Variants in NUMB observed in about 807,000 individuals in gnomAD.
NUMB encodes the protein NUMB endocytic adaptor protein.
A neutral mutation model predicts 59.7 loss-of-function variants in NUMB; 29 were observed. The observed-to-expected ratio is 0.49, with a 90% CI of 0.36 to 0.66. The LOEUF (loss-of-function observed/expected upper bound fraction) is 0.66, where lower values mean the gene tolerates loss of function less well. NUMB is among the 30% of genes least tolerant of loss of function. The probability of loss-of-function intolerance (pLI) is 0.00; values close to 1 mark genes in which losing one functional copy is unlikely to be tolerated. For synonymous variants in NUMB, 288 were observed against 288.2 expected, an observed-to-expected ratio of 1.00 and a Z score of 0.01; for missense variants, 723 against 822.0, an observed-to-expected ratio of 0.88 and a Z score of 1.47.
chr14:73,311,210 C>G (rs1468454182), intron 6 of NUMB, among the ~76,000 whole-genome samples: 1 of 152,066 alleles, frequency 6.6e-6, no homozygotes, highest in African/African-American at 2.4e-5. Context: ...CGCCTGCCAT[C>G]ACGCCTGGCT....
At chr14:73,358,218 A>G (rs1893912853) in intron 3 of NUMB, among the ~76,000 whole-genome samples, 1 of 152,234 alleles carries the variant, frequency 6.6e-6, no homozygotes, top group South Asian at 2.1e-4. Context: ...AAAATACTCA[A>G]GTATAAGTGA....
chr14:73,351,569 T>TA (rs898935186), intron 4 of NUMB, among the ~76,000 whole-genome samples: 8 of 151,916 alleles, frequency 5.3e-5, no homozygotes, highest in Non-Finnish European at 7.4e-5. Context: ...CATTCTTGCT[T>TA]AAAAAAAACT....
intron 4 of NUMB, among the ~76,000 whole-genome samples, chr14:73,341,007 G>A (rs1363331842): frequency 6.6e-6 from 1 of 152,226 alleles, no homozygotes; most frequent in Non-Finnish European, 1.5e-5. Flanking sequence ...CTGATGCCAT[G>A]TGAAGATGGT....
At chr14:73,372,305 TTATATATA>T (rs3028704) in intron 2 of NUMB, among the ~76,000 whole-genome samples, 2,344 of 85,974 alleles carry the variant, frequency 0.027, 107 homozygotes, top group African/African-American at 0.082. Flanking sequence ...TATATTTCTT[TTATATATA>T]TATATATATA....
chr14:73,327,979 A>G (rs1163904293), intron 4 of NUMB, among the ~76,000 whole-genome samples: 1 of 152,146 alleles, frequency 6.6e-6, no homozygotes, highest in Non-Finnish European at 1.5e-5. Flanking sequence ...TGCCTTTTAA[A>G]GAATTATCAT....
At chr14:73,286,231 A>G (rs939788950) in intron 9 of NUMB, 3 of 108,664 alleles carry the variant, frequency 2.8e-5, no homozygotes, top group African/African-American at 1.1e-4. Context: ...TTTAAGGGAT[A>G]GAGTCTATGT....
At chr14:73,281,169 G>A (rs771159698) in intron 11 of NUMB, among the ~76,000 whole-genome samples, 2 of 151,986 alleles carry the variant, frequency 1.3e-5, no homozygotes, top group Non-Finnish European at 2.9e-5. Context: ...AGAATGTAAC[G>A]GGTACTATAT....
intron 3 of NUMB, among the ~76,000 whole-genome samples, chr14:73,366,444 A>C (rs1308791410): frequency 2.0e-5 from 3 of 152,238 alleles, no homozygotes; most frequent in Non-Finnish European, 4.4e-5. Context: ...GGAGATGATA[A>C]TACTAATCAC....
At chr14:73,389,298 A>C (rs1175145584) in intron 2 of NUMB, among the ~76,000 whole-genome samples, 1 of 138,292 alleles carries the variant, frequency 7.2e-6, no homozygotes, top group Non-Finnish European at 1.6e-5. Flanking sequence ...AAAAAACAAA[A>C]ACAAAAACAC....
chr14:73,308,750 G>A (rs1890602880), intron 6 of NUMB, among the ~76,000 whole-genome samples: 1 of 152,208 alleles, frequency 6.6e-6, no homozygotes, highest in African/African-American at 2.4e-5. Context: ...AGGCTGAGAA[G>A]AGTCCACAGA....
intron 2 of NUMB, among the ~76,000 whole-genome samples, chr14:73,385,308 C>CTTTTTTTTTTTTTTT: frequency 8.9e-6 from 1 of 112,296 alleles, no homozygotes; most frequent in Non-Finnish European, 1.8e-5. Context: ...CCAGTTAATT[C>CTTTTTTTTTTTTTTT]TTTTTTTTTT....
Position 73,276,491 on chromosome 14 carries a change from T to C in NUMB, c.*87A>G, listed in dbSNP as rs959516024. The stretch of plus-strand genomic sequence containing the variant: ...TTGGGATTAGTGAAAAGAGTACTAA[T>C]CAGGAGACAAAGTCTGTTTTGCTCC... On this transcript the variant is annotated 3_prime_UTR_variant, in exon 13 of 13. Transcript: ENST00000555238. 2.9e-5 allele frequency: 29 copies of C among 1,003,174 alleles called. 1 individual carries two copies. The highest frequency in any genetic ancestry group is 3.9e-5 in the Non-Finnish European group (26 of 672,502). The allele number at this position is 1,003,174 out of a possible 1,614,324, so 62.1% of individuals were successfully genotyped here.
chr14:73,312,340 C>T (rs959186705), intron 6 of NUMB, among the ~76,000 whole-genome samples: 7 of 152,152 alleles, frequency 4.6e-5, no homozygotes, highest in African/African-American at 1.7e-4. Context: ...TTGCAGTGAC[C>T]GAGACTGCAC....
In NUMB at chr14:73,402,635, T is replaced by C. The variant is rs116526268; in HGVS notation, c.-101+7302A>G. ...AGCACCTCCAATGTATTAGGCACTGTATTAGGTACTTTACATAAATTATCT... is the reference window on the plus strand; with the variant it reads ...AGCACCTCCAATGTATTAGGCACTGCATTAGGTACTTTACATAAATTATCT... On this transcript the variant is annotated intron_variant, in intron 2 of 12. Coordinates refer to ENST00000555238, the MANE Select transcript of NUMB (RefSeq NM_001005743.2). 2.4e-3 allele frequency among the ~76,000 whole-genome samples: 368 copies of C among 152,328 alleles called. 1 individual carries two copies. Among genetic ancestry groups the C allele is most frequent in the African/African-American group, 8.7e-3 (362 of 41,576 alleles).
chr14:73,452,989 C>G (rs764507600), intron 1 of NUMB, among the ~76,000 whole-genome samples: 15 of 152,304 alleles, frequency 9.8e-5, no homozygotes, highest in Admixed American at 3.3e-4. Context: ...TGCCAAGAAC[C>G]ACTCATTCCT....
chr14:73,396,541 T>TTG (rs1566778733), intron 2 of NUMB, among the ~76,000 whole-genome samples: 149 of 99,226 alleles, frequency 1.5e-3, no homozygotes, highest in Admixed American at 6.2e-3. Context: ...TTTTGTTGTT[T>TTG]TTTTGTTTTG....
chr14:73,410,991 T>A (rs1489687779), intron 1 of NUMB, among the ~76,000 whole-genome samples: 1 of 152,196 alleles, frequency 6.6e-6, no homozygotes, highest in African/African-American at 2.4e-5. Flanking sequence ...TAATACAGGT[T>A]ATGAATCTTA....
intron 2 of NUMB, chr14:73,409,398 TGCCAACAGCCCAGGCTGAGGTCCTA>T (rs371211693): frequency 2.0e-4 from 30 of 152,410 alleles, no homozygotes; most frequent in African/African-American, 6.5e-4. Flanking sequence ...AAGGTGTTCT[TGCCAACAGCCCAGGCTGAGGTCCTA>T]GCCAACAGCC....
chr14:73,287,427 G>T, intron 8 of NUMB, 113 bp from the exon 9 acceptor site: 1 of 904,584 alleles, frequency 1.1e-6, no homozygotes, highest in Non-Finnish European at 1.6e-6. Context: ...TACCCAGGCT[G>T]GAGTGCAGTG....
Sources: allele counts gnomAD v4.1 joint callset (sites outside exome capture counted in the v4.1 genomes callset), GRCh38; gene constraint gnomAD v4.1.1; transcripts MANE v1.5; gene names NCBI Gene and HGNC (gene_info 2026-07-23, HGNC 2026-07-21).